The following ENTREP2 variants were observed in gnomAD, a reference collection of about 807,000 sequenced individuals.
The protein encoded by ENTREP2 is endosomal transmembrane epsin interactor 2.
the ENTREP2 span, among the ~76,000 whole-genome samples, chr15:29,220,246 C>T: frequency 6.6e-6 from 1 of 152,102 alleles, no homozygotes; most frequent in African/African-American, 2.4e-5. Context: ...CTACGCAAAG[C>T]CTGGCCTACT....
the ENTREP2 span, among the ~76,000 whole-genome samples, chr15:29,306,664 A>ATTTTTTTTTTTTTTTT: frequency 1.9e-4 from 15 of 77,334 alleles, 2 homozygotes; most frequent in East Asian, 3.8e-4. Flanking sequence ...ATAATTGGTA[A>ATTTTTTTTTTTTTTTT]TTTTTTTTTT....
chr15:29,662,662 G>GGCTCTCTGCTT, the ENTREP2 span, among the ~76,000 whole-genome samples: 1 of 152,080 alleles, frequency 6.6e-6, no homozygotes, highest in East Asian at 1.9e-4. Flanking sequence ...GCTCTCTGCT[G>GGCTCTCTGCTT]CCCCTCTCCA....
chr15:29,518,828 T>C, the ENTREP2 span, among the ~76,000 whole-genome samples: 1 of 152,150 alleles, frequency 6.6e-6, no homozygotes, highest in Non-Finnish European at 1.5e-5. Flanking sequence ...GACCACCACC[T>C]GACAAAGCCT....
the ENTREP2 span, among the ~76,000 whole-genome samples, chr15:29,381,239 G>A: frequency 1.7e-4 from 25 of 149,648 alleles, no homozygotes; most frequent in African/African-American, 5.6e-4. Flanking sequence ...GGTGGATCAC[G>A]AGTTCAGGAG....
the ENTREP2 span, among the ~76,000 whole-genome samples, chr15:29,159,141 G>C: frequency 6.6e-6 from 1 of 152,106 alleles, no homozygotes; most frequent in South Asian, 2.1e-4. Flanking sequence ...TCTTAAAGGT[G>C]GCGTGTCTGG....
the ENTREP2 span, among the ~76,000 whole-genome samples, chr15:29,349,323 G>A: frequency 6.6e-6 from 1 of 152,146 alleles, no homozygotes; most frequent in African/African-American, 2.4e-5. Context: ...GTGAACTCCA[G>A]ATTGTTAACA....
chr15:29,157,352 C>G, the ENTREP2 span, among the ~76,000 whole-genome samples: 2 of 152,218 alleles, frequency 1.3e-5, no homozygotes, highest in African/African-American at 4.8e-5. Flanking sequence ...ATCCATCAGA[C>G]TTCAGGGGCC....
the ENTREP2 span, among the ~76,000 whole-genome samples, chr15:29,135,726 A>G: frequency 6.6e-6 from 1 of 152,190 alleles, no homozygotes; most frequent in East Asian, 1.9e-4. This position sits in a 1 kb window ranked among gnomAD's most constrained non-coding sequence, Gnocchi z 7.4. Flanking sequence ...AGGCACCATG[A>G]GGCTGCAGGA....
chr15:29,524,462 A>G, the ENTREP2 span, among the ~76,000 whole-genome samples: 1 of 152,180 alleles, frequency 6.6e-6, no homozygotes, highest in Admixed American at 6.5e-5. Flanking sequence ...AAGATGTGGC[A>G]GACCACTCCC....
the ENTREP2 span, among the ~76,000 whole-genome samples, chr15:29,241,214 G>A: frequency 2.0e-5 from 3 of 152,196 alleles, no homozygotes; most frequent in South Asian, 4.1e-4. Context: ...GCAAAACAGA[G>A]GGGATGGGCT....
At chr15:29,537,368 T>C in the ENTREP2 span, among the ~76,000 whole-genome samples, 11 of 152,296 alleles carry the variant, frequency 7.2e-5, no homozygotes, top group African/African-American at 2.6e-4. Context: ...GTTATCCTTA[T>C]ATATACAACC....
the ENTREP2 span, among the ~76,000 whole-genome samples, chr15:29,189,158 T>C: frequency 1.3e-5 from 2 of 152,306 alleles, no homozygotes; most frequent in African/African-American, 4.8e-5. Flanking sequence ...TTATACCCCA[T>C]TGGCCAGAAG....
At chr15:29,252,430 C>G in the ENTREP2 span, 1 of 1,551,000 alleles carries the variant, frequency 6.4e-7, no homozygotes, top group Non-Finnish European at 8.7e-7. Context: ...ATTGAACCAG[C>G]CAAATTCAGC....
chr15:29,588,464 T>C, the ENTREP2 span, among the ~76,000 whole-genome samples: 1 of 147,020 alleles, frequency 6.8e-6, no homozygotes, highest in Non-Finnish European at 1.5e-5. Context: ...CAAGACTCTG[T>C]ATCAAAAAGA....
the ENTREP2 span, among the ~76,000 whole-genome samples, chr15:29,427,972 C>A: frequency 2.0e-5 from 3 of 152,138 alleles, no homozygotes; most frequent in Non-Finnish European, 2.9e-5. Flanking sequence ...CCGAAACCAA[C>A]AGAGTGATAA....
chr15:29,330,821 G>C, the ENTREP2 span, among the ~76,000 whole-genome samples: 3 of 152,294 alleles, frequency 2.0e-5, no homozygotes, highest in African/African-American at 7.2e-5. Context: ...TACAAACAAA[G>C]AAACTGGGAA....
At chr15:29,435,975 A>G in the ENTREP2 span, among the ~76,000 whole-genome samples, 1 of 152,158 alleles carries the variant, frequency 6.6e-6, no homozygotes, top group South Asian at 2.1e-4. Flanking sequence ...GCTACTGATG[A>G]GTCAACCGAT....
chr15:29,258,941 C>A, the ENTREP2 span, among the ~76,000 whole-genome samples: 2 of 152,010 alleles, frequency 1.3e-5, no homozygotes, highest in Admixed American at 6.5e-5. Context: ...CAAGGCTATT[C>A]GAATAATATT....
At chr15:29,545,505 G>C in the ENTREP2 span, among the ~76,000 whole-genome samples, 1 of 152,208 alleles carries the variant, frequency 6.6e-6, no homozygotes, top group South Asian at 2.1e-4. Flanking sequence ...TGATGTGTGG[G>C]ATAAATGTAG....
Sources: allele counts gnomAD v4.1 joint callset (sites outside exome capture counted in the v4.1 genomes callset), GRCh38; gene constraint gnomAD v4.1.1; non-coding constraint Gnocchi (gnomAD v3.1); transcripts MANE v1.5; gene names NCBI Gene and HGNC (gene_info 2026-07-23, HGNC 2026-07-21).